Variants in ACSL1 observed in about 807,000 individuals in gnomAD.
The protein encoded by ACSL1 is acyl-CoA synthetase long chain family member 1.
Under a neutral mutation model 98.4 loss-of-function variants are expected in ACSL1, and 41 were observed. The observed-to-expected ratio is 0.42, with a 90% CI of 0.32 to 0.54. The LOEUF is 0.54. ACSL1 is among the 20% of genes least tolerant of loss of function. The pLI, the probability that ACSL1 is intolerant of heterozygous loss-of-function variation, is 0.13. For missense variants in ACSL1, 734 were observed against 883.1 expected, an observed-to-expected ratio of 0.83 and a Z score of 2.14; for synonymous variants, 316 against 322.7, an observed-to-expected ratio of 0.98 and a Z score of 0.22.
intron 5 of ACSL1, among the ~76,000 whole-genome samples, chr4:184,778,240 C>T (rs1439103408): frequency 3.3e-5 from 5 of 152,324 alleles, no homozygotes; most frequent in East Asian, 3.9e-4. Context: ...AAATCATCTG[C>T]AGAACTCTGA....
rs755845769 is a variant in ACSL1 at position 184,766,645 on chromosome 4, G to T, written c.1240C>A (p.Arg414=). The change falls in exon 13 of 21, where the codon CGG becomes AGG. Residue 414 remains arginine, a synonymous_variant. Coordinates refer to ENST00000281455, the MANE Select transcript of ACSL1 (RefSeq NM_001995.5). This position sits in a 1 kb window ranked among gnomAD's most constrained non-coding sequence, Gnocchi z 4.8. ...GIIRNNSLWD[R]LIFHKVQSSL... ...ACCTGTACTTTGTGGAAGATCAGCC[G>T]GTCCCACAGGCTGTTGTTTCTGATG... 3 of 1,614,102 alleles carry T rather than the reference G, an allele frequency of 1.9e-6. No individual in the cohort carries two copies. In the South Asian group the frequency reaches 3.3e-5, roughly 18 times the overall value.
intron 2 of ACSL1, among the ~76,000 whole-genome samples, chr4:184,799,773 C>T (rs1561229304): frequency 6.6e-6 from 1 of 152,050 alleles, no homozygotes; most frequent in African/African-American, 2.4e-5. Flanking sequence ...AGCTTGAGCC[C>T]AGGAGTTTGA....
intron 15 of ACSL1, among the ~76,000 whole-genome samples, chr4:184,764,530 A>G (rs1763294135): frequency 1.3e-5 from 2 of 152,222 alleles, no homozygotes; most frequent in African/African-American, 2.4e-5. Flanking sequence ...ACCCTACTCA[A>G]TTACTAGGAA....
intron 1 of ACSL1, among the ~76,000 whole-genome samples, chr4:184,804,037 C>T (rs1181966291): frequency 6.6e-6 from 1 of 152,188 alleles, no homozygotes; most frequent in Non-Finnish European, 1.5e-5. Context: ...AACAAGTTCC[C>T]AAACTGGTTA....
chr4:184,815,783 T>C (rs1335759342), intron 1 of ACSL1, among the ~76,000 whole-genome samples: 4 of 151,922 alleles, frequency 2.6e-5, no homozygotes, highest in African/African-American at 9.7e-5. Flanking sequence ...CACTTCTGAG[T>C]TGAGTTTTTA....
At chr4:184,807,675 T>C (rs565513209) in intron 1 of ACSL1, among the ~76,000 whole-genome samples, 2 of 152,356 alleles carry the variant, frequency 1.3e-5, no homozygotes, top group South Asian at 2.1e-4. Context: ...GGTACCCGTC[T>C]ACCCAAACTT....
rs745324668 is a variant in ACSL1 at position 184,755,752 on chromosome 4, A to G, written c.*1373T>C. ...TTTTTGTGCAATTAAGAATACATAT[A>G]TGAAGTTAGGCTACCAAGTAGTGTT... On this transcript the variant is annotated 3_prime_UTR_variant, in exon 21 of 21. Transcript: ENST00000281455. The G allele has an allele frequency of 3.3e-5, 5 of 152,698 alleles. No homozygotes were observed. The highest frequency in any genetic ancestry group is 7.3e-5 in the Non-Finnish European group (5 of 68,046). 9.5% of individuals were successfully genotyped at this position (152,698 alleles called of 1,614,324 possible).
chr4:184,770,247 A>C (rs1361006871), intron 11 of ACSL1, 152 bp downstream of exon 11: 4 of 1,540,312 alleles, frequency 2.6e-6, no homozygotes, highest in Non-Finnish European at 2.6e-6. Context: ...TCCGCACGCC[A>C]CACTTACCTT....
At chr4:184,804,791 G>A (rs764717531) in intron 1 of ACSL1, among the ~76,000 whole-genome samples, 1 of 152,108 alleles carries the variant, frequency 6.6e-6, no homozygotes, top group African/African-American at 2.4e-5. Context: ...TCTCACACAC[G>A]TTAGAAAGTG....
At position 184,757,788 on chromosome 4, in the gene ACSL1, TGA is replaced by T; in HGVS notation, c.1884+29_1884+30del. 1 of 1,612,252 alleles carries T rather than the reference TGA, an allele frequency of 6.2e-7. No homozygotes were observed. Among genetic ancestry groups the T allele is most frequent in the Non-Finnish European group, 8.5e-7 (1 of 1,178,324 alleles). On this transcript the variant is annotated intron_variant, in intron 19 of 20. Transcript: ENST00000281455. The surrounding 1 kb of genome is among the most constrained non-coding windows in gnomAD (Gnocchi z 4.5). ...AGGTACATTTAATGCCAAGTTATGA[TGA>T]GGACAGACTGGACCCTTCAGAACCT... is the stretch of plus-strand genomic sequence containing the variant.
At chr4:184,770,583 C>A (rs1764352324) in intron 10 of ACSL1, 107 bp from the exon 11 acceptor site, 1 of 766,920 alleles carries the variant, frequency 1.3e-6, no homozygotes, top group Non-Finnish European at 2.2e-6. Context: ...GGAGGGATAG[C>A]ATTAGGAGAT....
intron 5 of ACSL1, among the ~76,000 whole-genome samples, chr4:184,780,119 G>T (rs558584829): frequency 3.7e-4 from 56 of 152,248 alleles, no homozygotes; most frequent in African/African-American, 1.3e-3. Flanking sequence ...TGACCCACCC[G>T]CCTTGGCCTC....
intron 2 of ACSL1, among the ~76,000 whole-genome samples, chr4:184,800,114 GA>G (rs1307331490): frequency 1.3e-5 from 2 of 152,134 alleles, no homozygotes; most frequent in Non-Finnish European, 2.9e-5. Context: ...AAGACAAAGG[GA>G]AAAAAGTAAC....
In ACSL1 at chr4:184,766,028, C is replaced by T. The variant is rs748165891; in HGVS notation, c.1264-42G>A. 4 of 1,601,170 alleles carry T rather than the reference C, an allele frequency of 2.5e-6. No individual in the cohort carries two copies. Among genetic ancestry groups the T allele is most frequent in the Middle Eastern group, 1.7e-4 (1 of 6,004 alleles). On this transcript the variant is annotated intron_variant, in intron 13 of 20. Coordinates refer to ENST00000281455, the MANE Select transcript of ACSL1 (RefSeq NM_001995.5). This position sits in a 1 kb window ranked among gnomAD's most constrained non-coding sequence, Gnocchi z 4.8. ...GTGGGAGAAGGTGAGGGTTACACAC[C>T]TGGAAGTCGGCGGCCTCTCCGCCAA...
At chr4:184,812,342 T>C in intron 1 of ACSL1, 3 of 515,534 alleles carry the variant, frequency 5.8e-6, no homozygotes, top group Non-Finnish European at 7.5e-6. Context: ...CCCTCTGTGA[T>C]TCTGACTGTG....
chr4:184,765,297 C>G (rs1211991919), intron 14 of ACSL1, among the ~76,000 whole-genome samples: 3 of 152,170 alleles, frequency 2.0e-5, no homozygotes, highest in Non-Finnish European at 4.4e-5. Flanking sequence ...TGCGGGTAGG[C>G]TCATCACCTG....
chr4:184,788,588 G>A (rs776282903), intron 3 of ACSL1, 29 bp downstream of exon 3: 3 of 1,554,252 alleles, frequency 1.9e-6, no homozygotes, highest in Admixed American at 1.7e-5. Context: ...CGGCGAGCGG[G>A]AGCCACGCAA....
Position 184,765,996 on chromosome 4 carries a change from A to C in ACSL1, c.1264-10T>G. ...TTCCGCCCAGGCTCGACTTTCAGGGAGGGAGAGTGGGAGAAGGTGAGGGTT... is the reference window on the plus strand; with the variant it reads ...TTCCGCCCAGGCTCGACTTTCAGGGCGGGAGAGTGGGAGAAGGTGAGGGTT... On this transcript the variant is annotated splice_polypyrimidine_tract_variant and intron_variant, in intron 13 of 20. Coordinates refer to ENST00000281455, the MANE Select transcript of ACSL1 (RefSeq NM_001995.5). 1 of 1,613,180 alleles carries C rather than the reference A, an allele frequency of 6.2e-7. No individual in the cohort carries two copies. The highest frequency in any genetic ancestry group is 1.7e-5 in the Admixed American group (1 of 59,950).
chr4:184,799,005 T>C (rs549921970), intron 2 of ACSL1: 5 of 152,444 alleles, frequency 3.3e-5, no homozygotes, highest in Admixed American at 1.3e-4. Context: ...CCTGCTCTGA[T>C]TCCATCTATG....
Sources: allele counts gnomAD v4.1 joint callset (sites outside exome capture counted in the v4.1 genomes callset), GRCh38; gene constraint gnomAD v4.1.1; non-coding constraint Gnocchi (gnomAD v3.1); transcripts MANE v1.5; gene names NCBI Gene and HGNC (gene_info 2026-07-23, HGNC 2026-07-21).